The following NAGA variants were observed in gnomAD, a reference collection of about 807,000 sequenced individuals.
NAGA encodes the protein Acetylgalactosaminidase, alpha-N- (alpha-galactosidase B).
NAGA carries 42 observed loss-of-function variants against 45.6 expected under a neutral mutation model. The observed-to-expected ratio is 0.92, with a 90% confidence interval of 0.72 to 1.19. The LOEUF (loss-of-function observed/expected upper bound fraction) is 1.19. Ranked by LOEUF, NAGA falls within the 50% of genes most tolerant of loss-of-function variation. NAGA has a pLI of 0.00. For synonymous variants in NAGA, 176 were observed against 203.1 expected, an observed-to-expected ratio of 0.87 and a Z score of 1.13; for missense variants, 493 against 544.8, an observed-to-expected ratio of 0.90 and a Z score of 0.95.
chr22:42,064,660 C>A (rs1240801899), intron 6 of NAGA, among the ~76,000 whole-genome samples: 1 of 152,022 alleles, frequency 6.6e-6, no homozygotes, highest in Admixed American at 6.6e-5. Context: ...ATAAATAAAT[C>A]AATAAAAAAC....
In NAGA at chr22:42,070,307, C is replaced by G; in HGVS notation, c.-10G>C. On this transcript the variant is annotated 5_prime_UTR_variant, in exon 1 of 9. Transcript: ENST00000396398. Reference sequence around the variant, plus strand: ...CTGTCTTCAGCAGCATCGCTCTGGACTCAGCTTCCGAGGACCTGACCAGAT... The same window carrying G: ...CTGTCTTCAGCAGCATCGCTCTGGAGTCAGCTTCCGAGGACCTGACCAGAT... 1 of 1,614,234 alleles carries G rather than the reference C, an allele frequency of 6.2e-7. No individual in the cohort carries two copies. The highest frequency in any genetic ancestry group is 1.7e-5 in the Admixed American group (1 of 60,030).
At chr22:42,068,304 G>T in intron 2 of NAGA, 135 bp downstream of exon 2, 1 of 1,423,068 alleles carries the variant, frequency 7.0e-7, no homozygotes, top group Non-Finnish European at 9.8e-7. Flanking sequence ...CAGACAGTCC[G>T]AGTGACTTCT....
At position 42,070,574 on chromosome 22, in the gene NAGA, G is replaced by T. The variant is rs376270308; in HGVS notation, c.-277C>A. The T allele has an allele frequency of 6.9e-6, 4 of 575,662 alleles. No homozygotes were observed. Among genetic ancestry groups the T allele is most frequent in the East Asian group, 5.9e-5 (2 of 33,710 alleles). The allele number at this position is 575,662 out of a possible 1,614,324, so 35.7% of individuals were successfully genotyped here. A position where few individuals can be genotyped will look rare whatever the true frequency, so the allele number is the denominator to read the frequency against. On this transcript the variant is annotated 5_prime_UTR_variant, in exon 1 of 9. Transcript: ENST00000396398. ...GACCTCACACCCTCTGCAGTGCTGG[G>T]AGTCCCGAGGGCCTACGGGCCGCCT...
At chr22:42,067,645 A>G in intron 3 of NAGA, 120 bp downstream of exon 3, 1 of 880,040 alleles carries the variant, frequency 1.1e-6, no homozygotes, top group Non-Finnish European at 1.8e-6. Flanking sequence ...GTCGGTGTTC[A>G]TTTGTCTGTT....
intron 1 of NAGA, 147 bp from the exon 2 acceptor site, chr22:42,068,721 T>C (rs1415590403): frequency 1.1e-5 from 13 of 1,182,962 alleles, no homozygotes; most frequent in Non-Finnish European, 1.5e-5. Context: ...TAGGGTAGAA[T>C]TGGCTCTTCC....
chr22:42,060,022 G>C lies in NAGA; in HGVS notation c.*257C>G. 2.0e-6 allele frequency: 1 copy of C among 499,796 alleles called. No individual in the cohort carries two copies. Among genetic ancestry groups the C allele is most frequent in the Non-Finnish European group, 3.7e-6 (1 of 272,504 alleles). 31.0% of individuals were successfully genotyped at this position (499,796 alleles called of 1,614,324 possible). A position where few individuals can be genotyped will look rare whatever the true frequency, so the allele number is the denominator to read the frequency against. On this transcript the variant is annotated 3_prime_UTR_variant, in exon 9 of 9. Transcript: ENST00000396398. ...GCTCAGGAGGCTGGCGAGTTGCTCA[G>C]CAACGTCTGTGGGGCTGCGCACATG...
At position 42,068,465 on chromosome 22, in the gene NAGA, A is replaced by G. The variant is rs769239952; in HGVS notation, c.126T>C (p.Cys42=). 50 of 1,613,944 alleles carry G rather than the reference A, an allele frequency of 3.1e-5. No individual in the cohort carries two copies. The highest frequency in any genetic ancestry group is 3.8e-5 in the Non-Finnish European group (45 of 1,180,032). ...AWERFRCNIN[C]DEDPKNCISE... is the part of the protein sequence containing the mutation. Reference sequence around the variant, plus strand: ...TTATGCAGTTCTTTGGGTCCTCATCACAGTTAATGTTGCAGCGGAAGCGTT... The same window carrying G: ...TTATGCAGTTCTTTGGGTCCTCATCGCAGTTAATGTTGCAGCGGAAGCGTT... The change falls in exon 2 of 9, where the codon TGT becomes TGC. Residue 42 remains cysteine, a synonymous_variant. Transcript: ENST00000396398.
At chr22:42,061,385 A>G (rs933912512) in intron 7 of NAGA, among the ~76,000 whole-genome samples, 18 of 152,362 alleles carry the variant, frequency 1.2e-4, no homozygotes, top group African/African-American at 4.1e-4. Context: ...GGGAAGCGCA[A>G]CAACAGTACA....
chr22:42,065,956 G>A, intron 5 of NAGA, 57 bp from the exon 6 acceptor site: 1 of 1,594,042 alleles, frequency 6.3e-7, no homozygotes, highest in Non-Finnish European at 8.6e-7. Context: ...GCAGCCCAGG[G>A]ACCCACACAG....
At chr22:42,067,961 TAGCTCAGGGACCC>T in intron 2 of NAGA, 25 bp from the exon 3 acceptor site, 2 of 1,611,390 alleles carry the variant, frequency 1.2e-6, no homozygotes, top group Non-Finnish European at 1.7e-6. Flanking sequence ...AGGGATGGGG[TAGCTCAGGGACCC>T]AGCCCGGCCC....
At position 42,067,795 on chromosome 22, in the gene NAGA, G is replaced by A; in HGVS notation, c.294C>T (p.Phe98=). The change falls in exon 3 of 9, where the codon TTC becomes TTT. Residue 98 remains phenylalanine (F), a synonymous_variant. Transcript: ENST00000396398. ...SGRLMPDPKR[F]PHGIPFLADY... ...CAGCCAGGAAAGGAATGCCATGAGG[G>A]AAGCGCTTGGGATCCGGCATCAGGC... 1 of 1,612,728 alleles carries A rather than the reference G, an allele frequency of 6.2e-7. No homozygotes were observed. The highest frequency in any genetic ancestry group is 8.5e-7 in the Non-Finnish European group (1 of 1,180,000).
At chr22:42,064,080 C>A (rs982036746) in intron 6 of NAGA, among the ~76,000 whole-genome samples, 1 of 151,668 alleles carries the variant, frequency 6.6e-6, no homozygotes, top group African/African-American at 2.4e-5. Context: ...GTGGCTCACG[C>A]CTGTAATCCC....
chr22:42,070,190 T>C, intron 1 of NAGA, 92 bp downstream of exon 1: 1 of 1,402,482 alleles, frequency 7.1e-7, no homozygotes. Context: ...GGAACCTGTC[T>C]CTCCACATAC....
chr22:42,070,031 G>T (rs1353316395), intron 1 of NAGA, among the ~76,000 whole-genome samples: 1 of 152,236 alleles, frequency 6.6e-6, no homozygotes, highest in Non-Finnish European at 1.5e-5. Context: ...CTGTACAGGC[G>T]GTTCTCCGCA....
At chr22:42,063,077 A>G in intron 6 of NAGA, 53 bp from the exon 7 acceptor site, 2 of 1,559,144 alleles carry the variant, frequency 1.3e-6, no homozygotes, top group Non-Finnish European at 1.8e-6. Context: ...GGAGGTAGAC[A>G]CAGGGACCAT....
In NAGA at chr22:42,062,844, C is replaced by T. The variant is rs1817813251; in HGVS notation, c.940G>A (p.Gly314Arg). ...KINQDPLGIQ[G>R]RRIHKEKSLI... ...CCTAGTACCTTGTGAATCCTGCGTCCCTGGATGCCTAAGGGATCCTGGTTG... is the reference window on the plus strand; with the variant it reads ...CCTAGTACCTTGTGAATCCTGCGTCTCTGGATGCCTAAGGGATCCTGGTTG... The change falls in exon 7 of 9, where the codon GGA becomes AGA. Residue 314 changes from glycine (G) to arginine (R), a missense_variant. Gly to Arg is a moderately radical substitution (Grantham distance 125). Transcript: ENST00000396398. 1 of 1,614,016 alleles carries T rather than the reference C, an allele frequency of 6.2e-7. No homozygotes were observed.
In NAGA at chr22:42,068,566, G is replaced by C; in HGVS notation, c.25C>G (p.Leu9Val). MLLKTVLL[L>V]GHVAQVLMLD... ...ATCAGCACCTGGGCCACATGTCCCA[G>C]CAAGAGCACTAGGGGGCAAGGGAGG... Residue 9 changes from leucine (L) to valine (V), a missense_variant, in exon 2 of 9, where the codon CTG (leucine) becomes GTG (valine). Transcript: ENST00000396398. 1.2e-6 allele frequency: 2 copies of C among 1,614,122 alleles called. No individual in the cohort carries two copies. The highest frequency in any genetic ancestry group is 2.2e-5 in the South Asian group (2 of 91,086).
At chr22:42,061,921 C>T (rs1368333333) in intron 7 of NAGA, among the ~76,000 whole-genome samples, 2 of 127,910 alleles carry the variant, frequency 1.6e-5, no homozygotes, top group Non-Finnish European at 3.1e-5. Flanking sequence ...CACTGCACTC[C>T]AGCCTGGGCT....
Position 42,059,176 on chromosome 22 carries a change from A to G in NAGA, c.*1103T>C, listed in dbSNP as rs117826003. The G allele has an allele frequency of 0.013, 1,985 of 152,296 alleles. 17 individuals are homozygous for G. Among genetic ancestry groups the G allele is most frequent in the Non-Finnish European group, 0.021 (1,424 of 68,066 alleles). 9.4% of individuals were successfully genotyped at this position (152,296 alleles called of 1,614,324 possible). ...GTTGCTCTGCCACTAGCTCTCTCCA[A>G]AGGGGAGAGCCACCAGGGAAGACAA... is the stretch of plus-strand genomic sequence containing the variant. On this transcript the variant is annotated 3_prime_UTR_variant, in exon 9 of 9. Transcript: ENST00000396398.
Sources: allele counts gnomAD v4.1 joint callset (sites outside exome capture counted in the v4.1 genomes callset), GRCh38; gene constraint gnomAD v4.1.1; transcripts MANE v1.5; gene names NCBI Gene and HGNC (gene_info 2026-07-23, HGNC 2026-07-21).